Variants in ZSCAN5B observed in about 807,000 individuals in gnomAD.
ZSCAN5B encodes the protein zinc finger and SCAN domain containing 5B, also known as zinc finger and SCAN domain-containing protein 5B.
In ZSCAN5B, 26 loss-of-function variants were observed where a neutral mutation model predicts 25.2. The ratio of observed to expected loss-of-function variants is 1.03; its 90% confidence interval spans 0.76 to 1.43. The LOEUF (loss-of-function observed/expected upper bound fraction) is 1.43. ZSCAN5B is among the 40% of genes most tolerant of loss of function. The pLI is 0.00. For synonymous variants in ZSCAN5B, 244 were observed against 240.9 expected (o/e 1.01, Z -0.12); for missense variants, 745 against 622.1 (o/e 1.20, Z -2.10).
At chr19:56,192,824 G>A (rs1055577295) in exon 2 of ZSCAN5B, 1 of 1,612,688 alleles carries the variant, frequency 6.2e-7, no homozygotes, top group African/African-American at 1.3e-5. Context: ...TTGGTGTGGA[G>A]GTCGGGCCTC....
chr19:56,190,304 A>G, exon 5 of ZSCAN5B: 1 of 1,614,094 alleles, frequency 6.2e-7, no homozygotes, highest in Non-Finnish European at 8.5e-7. Context: ...CCGGGCCCGC[A>G]GGGCCTGGGG....
exon 5 of ZSCAN5B, chr19:56,189,870 A>G: frequency 2.5e-6 from 4 of 1,613,552 alleles, no homozygotes; most frequent in Non-Finnish European, 2.5e-6. Flanking sequence ...GTGACGCTTG[A>G]ATGTCCCCAG....
At chr19:56,196,253 T>C (rs1378313860) in intron 1 of ZSCAN5B, among the ~76,000 whole-genome samples, 4 of 152,056 alleles carry the variant, frequency 2.6e-5, no homozygotes, top group African/African-American at 9.7e-5. Context: ...GGTCTCGCCA[T>C]GTAGGCCAGG....
At chr19:56,195,332 T>C (rs947868473) in intron 1 of ZSCAN5B, among the ~76,000 whole-genome samples, 396 of 150,224 alleles carry the variant, frequency 2.6e-3, no homozygotes, top group African/African-American at 9.3e-3. Context: ...TTAAGGCGCC[T>C]GTGTGGACAT....
At chr19:56,197,634 C>G (rs984725185) in intron 1 of ZSCAN5B, 100 bp downstream of exon 1, 19 of 689,052 alleles carry the variant, frequency 2.8e-5, no homozygotes, top group Admixed American at 1.3e-4. Flanking sequence ...ACAAAGTCTC[C>G]GAGAAAATAA....
chr19:56,196,467 G>A (rs866616385), intron 1 of ZSCAN5B, among the ~76,000 whole-genome samples: 32 of 151,880 alleles, frequency 2.1e-4, no homozygotes, highest in Admixed American at 1.8e-3. Context: ...TAAGGGAGTC[G>A]ATTTCAAGTG....
chr19:56,192,036 G>T, exon 3 of ZSCAN5B: 1 of 1,612,274 alleles, frequency 6.2e-7, no homozygotes, highest in Non-Finnish European at 8.5e-7. Flanking sequence ...ATTCTTTGCC[G>T]AGCAAGTTGA....
intron 1 of ZSCAN5B, among the ~76,000 whole-genome samples, chr19:56,194,164 C>T (rs964019201): frequency 1.3e-5 from 2 of 152,106 alleles, no homozygotes; most frequent in Non-Finnish European, 2.9e-5. Flanking sequence ...TGCCCCAACC[C>T]CCTCCCCCAG....
intron 1 of ZSCAN5B, among the ~76,000 whole-genome samples, chr19:56,197,111 T>C (rs983723772): frequency 2.0e-5 from 3 of 151,852 alleles, no homozygotes; most frequent in African/African-American, 4.8e-5. Context: ...ACCCCGTCTC[T>C]GAAAAATAAA....
intron 1 of ZSCAN5B, among the ~76,000 whole-genome samples, chr19:56,194,073 G>T (rs544692879): frequency 6.6e-6 from 1 of 151,652 alleles, no homozygotes; most frequent in South Asian, 2.1e-4. Context: ...GCGCTATGTT[G>T]TGCAACCATC....
In ZSCAN5B at chr19:56,190,038, A is replaced by C; in HGVS notation, c.1277T>G (p.Leu426Ter). Residue 426 changes from leucine (L) to a stop codon, truncating the protein, a stop_gained, in exon 5 of 5, where the codon TTA becomes TGA. Coordinates refer to ENST00000586855, the Ensembl canonical transcript of ZSCAN5B. LOFTEE classifies it low-confidence loss of function (END_TRUNC). The stretch of plus-strand genomic sequence containing the variant: ...GGTGTGGATCCTCTTGTGGCCCTGT[A>C]AGGTGGACTCGTGGGCGAACCGCTT... 6.2e-7 allele frequency: 1 copy of C among 1,613,226 alleles called. No individual in the cohort carries two copies. Among genetic ancestry groups the C allele is most frequent in the Non-Finnish European group, 8.5e-7 (1 of 1,179,636 alleles).
chr19:56,193,296 C>G, intron 1 of ZSCAN5B, 117 bp from the exon 2 acceptor site: 1 of 471,622 alleles, frequency 2.1e-6, no homozygotes, highest in Non-Finnish European at 3.7e-6. Context: ...GGACTCAGCC[C>G]TGTGGAAATG....
intron 1 of ZSCAN5B, among the ~76,000 whole-genome samples, chr19:56,197,524 C>G (rs1352808176): frequency 6.6e-6 from 1 of 152,236 alleles, no homozygotes; most frequent in Admixed American, 6.5e-5. Context: ...GCGTGCGCCA[C>G]TGGGCCCGAC....
chr19:56,191,277 G>T (rs1238722981), intron 3 of ZSCAN5B, among the ~76,000 whole-genome samples: 1 of 152,092 alleles, frequency 6.6e-6, no homozygotes, highest in Non-Finnish European at 1.5e-5. Flanking sequence ...CTAGGTGGAG[G>T]CCCCTAACCC....
At chr19:56,196,373 A>G (rs1304451164) in intron 1 of ZSCAN5B, among the ~76,000 whole-genome samples, 2 of 152,136 alleles carry the variant, frequency 1.3e-5, no homozygotes, top group East Asian at 3.9e-4. Context: ...TTTTTAAAAA[A>G]ATAAAAGAAA....
intron 1 of ZSCAN5B, among the ~76,000 whole-genome samples, chr19:56,193,780 G>A (rs1218776641): frequency 1.3e-5 from 2 of 152,022 alleles, no homozygotes; most frequent in East Asian, 3.9e-4. Flanking sequence ...GGCTAACATG[G>A]TGAAACCCCG....
chr19:56,191,976 G>A, exon 3 of ZSCAN5B: 4 of 1,614,020 alleles, frequency 2.5e-6, no homozygotes, highest in South Asian at 1.1e-5. Flanking sequence ...GATCATCTCT[G>A]ACACTGGCGG....
chr19:56,194,195 G>A (rs1174014946), intron 1 of ZSCAN5B, among the ~76,000 whole-genome samples: 3 of 151,170 alleles, frequency 2.0e-5, no homozygotes, highest in African/African-American at 7.3e-5. Context: ...TCACTAATCT[G>A]CTTATTGTCT....
chr19:56,197,751 C>T (rs1293934964), exon 1 of ZSCAN5B: 1 of 985,310 alleles, frequency 1.0e-6, no homozygotes, highest in African/African-American at 1.7e-5. Context: ...CCGGCTTCTG[C>T]CTCCGACCTT....
Sources: allele counts gnomAD v4.1 joint callset (sites outside exome capture counted in the v4.1 genomes callset), GRCh38; gene constraint gnomAD v4.1.1; transcripts MANE v1.5; gene names NCBI Gene and HGNC (gene_info 2026-07-23, HGNC 2026-07-21).